The following LRMDA variants were observed in gnomAD, a reference collection of about 807,000 sequenced individuals.
The protein encoded by LRMDA is leucine-rich melanocyte differentiation-associated protein.
A neutral mutation model predicts 29.8 loss-of-function variants in LRMDA; 18 were observed. The observed-to-expected ratio is 0.60, with a 90% CI of 0.42 to 0.90. The LOEUF is 0.90. Among genes scored for constraint, LRMDA ranks in the 40% least tolerant of loss-of-function variants. The probability of loss-of-function intolerance (pLI) is 0.00; values close to 1 mark genes in which losing one functional copy is unlikely to be tolerated. For missense variants in LRMDA, 273 were observed against 273.9 expected (o/e 1.00, Z 0.02); for synonymous variants, 125 against 109.4 (o/e 1.14, Z -0.89).
intron 6 of LRMDA, among the ~76,000 whole-genome samples, chr10:76,414,717 A>G (rs1042694607): frequency 1.3e-5 from 2 of 152,136 alleles, no homozygotes; most frequent in African/African-American, 4.8e-5. Flanking sequence ...ACCCTGAGAA[A>G]ACTGGTTGAG....
At chr10:76,306,094 G>C (rs1023255360) in intron 5 of LRMDA, among the ~76,000 whole-genome samples, 26 of 152,324 alleles carry the variant, frequency 1.7e-4, no homozygotes, top group African/African-American at 5.3e-4. Context: ...AGGTACACAG[G>C]CTGAGGATTA....
chr10:75,640,553 G>A (rs117680565), intron 2 of LRMDA, among the ~76,000 whole-genome samples: 1,846 of 152,260 alleles, frequency 0.012, 18 homozygotes, highest in Non-Finnish European at 0.017. Context: ...TATATATCAC[G>A]TGTAATCGAA....
At chr10:76,129,944 T>A (rs777893693) in intron 5 of LRMDA, among the ~76,000 whole-genome samples, 26 of 152,194 alleles carry the variant, frequency 1.7e-4, no homozygotes, top group South Asian at 2.1e-4. Flanking sequence ...CTGATTTCAG[T>A]TTCTTCATAT....
At chr10:76,036,313 CT>C (rs1429676854) in intron 3 of LRMDA, among the ~76,000 whole-genome samples, 179 bp downstream of exon 3, 1 of 152,224 alleles carries the variant, frequency 6.6e-6, no homozygotes, top group African/African-American at 2.4e-5. Context: ...ACTCGGGACA[CT>C]TCAGAGTAAT....
chr10:76,547,275 C>T (rs985364489), intron 6 of LRMDA, among the ~76,000 whole-genome samples: 6 of 152,006 alleles, frequency 3.9e-5, no homozygotes, highest in African/African-American at 2.4e-5. Flanking sequence ...ATCTCTGAGC[C>T]TGGAAGATTA....
At chr10:76,110,977 C>T (rs182646319) in intron 5 of LRMDA, among the ~76,000 whole-genome samples, 1 of 152,176 alleles carries the variant, frequency 6.6e-6, no homozygotes, top group Non-Finnish European at 1.5e-5. Flanking sequence ...TACTCATCTA[C>T]TTTTTAGTCC....
intron 5 of LRMDA, among the ~76,000 whole-genome samples, chr10:76,265,002 A>G (rs1839989208): frequency 6.6e-6 from 1 of 152,212 alleles, no homozygotes. Flanking sequence ...AATTTTAAAC[A>G]TTCCAACCAT....
In LRMDA at chr10:76,399,437, G is replaced by T. The variant is rs11001770; in HGVS notation, c.601+74952G>T. ...CTAGAATTCCCACAAGAAGAGAGTT[G>T]CCAGGGCATCCTCATTCCAAGCTAT... is the stretch of plus-strand genomic sequence containing the variant. On this transcript the variant is annotated intron_variant, in intron 6 of 6. Transcript: ENST00000611255. Among the ~76,000 whole-genome samples, 9 of 152,182 alleles carry T rather than the reference G, an allele frequency of 5.9e-5. No homozygotes were observed. The East Asian group carries it at 1.7e-3, about 29-fold the overall frequency.
chr10:75,585,119 C>T (rs1441845613), intron 2 of LRMDA, among the ~76,000 whole-genome samples: 1 of 152,184 alleles, frequency 6.6e-6, no homozygotes, highest in African/African-American at 2.4e-5. Context: ...GAACCAGAGA[C>T]CTCTCCTCTT....
rs79799305 is a variant in LRMDA, at chr10:76,151,176, G to A, written c.516+92393G>A. Among the ~76,000 whole-genome samples, 391 of 152,222 alleles carry A rather than the reference G, an allele frequency of 2.6e-3. 2 individuals are homozygous for A. Among genetic ancestry groups the A allele is most frequent in the Non-Finnish European group, 4.6e-3 (315 of 68,020 alleles). ...GTGTACATTTCCTGTGAAGATCTTC[G>A]TTGTCAGCTTTTGGTGACTTTTACA... On this transcript the variant is annotated intron_variant, in intron 5 of 6. Transcript: ENST00000611255.
At chr10:76,152,219 G>C (rs539531154) in intron 5 of LRMDA, among the ~76,000 whole-genome samples, 56 of 152,216 alleles carry the variant, frequency 3.7e-4, no homozygotes, top group African/African-American at 1.2e-3. Context: ...TCAACTTTCT[G>C]TCTCTATAGA....
chr10:76,472,697 G>T (rs1335347055), intron 6 of LRMDA, among the ~76,000 whole-genome samples: 3 of 151,414 alleles, frequency 2.0e-5, no homozygotes, highest in Admixed American at 6.6e-5. Flanking sequence ...ATGAAAGAGG[G>T]AGCATTACTA....
chr10:75,963,462 C>T (rs1846802999), intron 2 of LRMDA, among the ~76,000 whole-genome samples: 1 of 152,222 alleles, frequency 6.6e-6, no homozygotes, highest in Admixed American at 6.5e-5. Context: ...TTATTTGCCT[C>T]TCATTCTTCA....
chr10:76,424,539 A>C (rs1396733236), intron 6 of LRMDA, among the ~76,000 whole-genome samples: 1 of 152,214 alleles, frequency 6.6e-6, no homozygotes, highest in Admixed American at 6.5e-5. Context: ...ACTCCATCTC[A>C]AAAAACAAAA....
chr10:76,361,694 T>A lies in LRMDA; in HGVS notation c.601+37209T>A, dbSNP rs545145791. On this transcript the variant is annotated intron_variant, in intron 6 of 6. Transcript: ENST00000611255. Reference sequence around the variant, plus strand: ...AAGTGAAATCCTCACACTGAGCAAATGCACCAAAGAACACTATATAAACTT... The same window carrying A: ...AAGTGAAATCCTCACACTGAGCAAAAGCACCAAAGAACACTATATAAACTT... Among the ~76,000 whole-genome samples, 4 of 152,268 alleles carry A rather than the reference T, an allele frequency of 2.6e-5. No individual in the cohort carries two copies. The East Asian group carries it at 7.7e-4, about 29-fold the overall frequency.
At chr10:76,141,431 C>A (rs545666633) in intron 5 of LRMDA, among the ~76,000 whole-genome samples, 33 of 152,088 alleles carry the variant, frequency 2.2e-4, no homozygotes, top group Non-Finnish European at 4.4e-4. Flanking sequence ...AGTTGAGAAC[C>A]TCTTTTAATG....
intron 6 of LRMDA, among the ~76,000 whole-genome samples, chr10:76,538,886 C>T (rs1424569506): frequency 6.6e-6 from 1 of 152,094 alleles, no homozygotes; most frequent in Non-Finnish European, 1.5e-5. Flanking sequence ...CCCTTTCTGG[C>T]CTGCTAGTTC....
At position 75,607,189 on chromosome 10, in the gene LRMDA, T is replaced by C. The variant is rs139350228; in HGVS notation, c.131+168695T>C. 3.4e-3 allele frequency among the ~76,000 whole-genome samples: 524 copies of C among 152,360 alleles called. 12 individuals carry two copies. The highest frequency in any genetic ancestry group is 0.031 in the Admixed American group (481 of 15,302). ...GTTAGAGAAATGGTTACTTCCAAAG[T>C]GATCAAGACATTTCAGAACAGTCCT... On this transcript the variant is annotated intron_variant, in intron 2 of 6. Coordinates refer to ENST00000611255, the MANE Select transcript of LRMDA (RefSeq NM_001305581.2).
At chr10:76,178,386 T>G (rs1013334846) in intron 5 of LRMDA, among the ~76,000 whole-genome samples, 10 of 152,232 alleles carry the variant, frequency 6.6e-5, no homozygotes, top group African/African-American at 2.4e-4. Flanking sequence ...GTATGGTACA[T>G]GGCTGTAATT....
Sources: allele counts gnomAD v4.1 joint callset (sites outside exome capture counted in the v4.1 genomes callset), GRCh38; gene constraint gnomAD v4.1.1; transcripts MANE v1.5; gene names NCBI Gene and HGNC (gene_info 2026-07-23, HGNC 2026-07-21).